Variants in CSMD3 observed in about 807,000 individuals in gnomAD.
CSMD3 encodes CUB and sushi domain-containing protein 3.
A neutral mutation model predicts 435.2 loss-of-function variants in CSMD3; 177 were observed. The ratio of observed to expected loss-of-function variants is 0.41; its 90% CI spans 0.36 to 0.46. CSMD3 has a LOEUF of 0.46. CSMD3 is among the 20% of genes least tolerant of loss of function. The probability of loss-of-function intolerance (pLI) is 0.34; values close to 1 mark genes in which losing one functional copy is unlikely to be tolerated. For missense variants in CSMD3, 4,265 were observed against 4,504.6 expected (o/e 0.95, Z 1.52); for synonymous variants, 1,656 against 1,520.5 (o/e 1.09, Z -2.07).
At chr8:112,752,827 A>C (rs1003277116) in intron 13 of CSMD3, among the ~76,000 whole-genome samples, 2 of 152,154 alleles carry the variant, frequency 1.3e-5, no homozygotes, top group Non-Finnish European at 2.9e-5. Flanking sequence ...AAATGAAAAT[A>C]GTTTATAAAT....
intron 40 of CSMD3, among the ~76,000 whole-genome samples, chr8:112,347,511 T>A (rs564384488): frequency 6.6e-6 from 1 of 152,300 alleles, no homozygotes; most frequent in Admixed American, 6.5e-5. Flanking sequence ...ATTCAATAAG[T>A]TTGACAACTA....
chr8:112,910,472 T>A lies in CSMD3; in HGVS notation c.1633+11155A>T, dbSNP rs369484287. 3.3e-5 allele frequency among the ~76,000 whole-genome samples: 5 copies of A among 151,940 alleles called. No individual in the cohort carries two copies. In the East Asian group the frequency reaches 9.7e-4, roughly 30 times the overall value. On this transcript the variant is annotated intron_variant, in intron 10 of 70. Transcript: ENST00000297405. ...TCCATTTCCCCCTACAAAAACATTATACCTTCATCGGCTCCTTCCTCAGGG... is the reference window on the plus strand; with the variant it reads ...TCCATTTCCCCCTACAAAAACATTAAACCTTCATCGGCTCCTTCCTCAGGG...
intron 27 of CSMD3, among the ~76,000 whole-genome samples, chr8:112,525,086 C>T (rs1824730311): frequency 6.6e-6 from 1 of 151,722 alleles, no homozygotes; most frequent in African/African-American, 2.4e-5. Flanking sequence ...TAAGTGTTAG[C>T]TACCTGGTAA....
chr8:112,614,537 G>A (rs1356389895), intron 22 of CSMD3, among the ~76,000 whole-genome samples: 4 of 151,808 alleles, frequency 2.6e-5, no homozygotes, highest in Admixed American at 1.3e-4. Context: ...TCCCAGGGCC[G>A]TTTCCCCAAA....
At chr8:113,251,239 A>C (rs2093332270) in intron 3 of CSMD3, among the ~76,000 whole-genome samples, 1 of 152,076 alleles carries the variant, frequency 6.6e-6, no homozygotes, top group Admixed American at 6.6e-5. Flanking sequence ...TGTCTCATTC[A>C]TGATAATGGA....
chr8:112,637,912 G>C (rs2074706633), intron 21 of CSMD3, among the ~76,000 whole-genome samples: 1 of 151,858 alleles, frequency 6.6e-6, no homozygotes, highest in Non-Finnish European at 1.5e-5. Flanking sequence ...CAAGGTTAGT[G>C]CTTGTATCAT....
In CSMD3 at chr8:112,635,624, A is replaced by G. The variant is rs556495245; in HGVS notation, c.3715+1193T>C. ...TGGTTGCTTGTGCCATTTCTATAAA[A>G]ATCTGTGATTTTTAAAGAGAAATTT... On this transcript the variant is annotated intron_variant, in intron 22 of 70. Transcript: ENST00000297405. Among the ~76,000 whole-genome samples the G allele has an allele frequency of 3.9e-5, 6 of 152,176 alleles. No individual in the cohort carries two copies. In the East Asian group the frequency reaches 1.2e-3, roughly 29 times the overall value.
chr8:112,890,197 T>G (rs2081742091), intron 10 of CSMD3, among the ~76,000 whole-genome samples: 1 of 151,628 alleles, frequency 6.6e-6, no homozygotes, highest in Non-Finnish European at 1.5e-5. Flanking sequence ...CCCATCAAAA[T>G]GCATCAAGTG....
At chr8:112,225,954 C>T (rs1049077077) in intron 70 of CSMD3, among the ~76,000 whole-genome samples, 3 of 152,120 alleles carry the variant, frequency 2.0e-5, no homozygotes, top group African/African-American at 7.2e-5. Flanking sequence ...GGAAAAAAGG[C>T]AGACTTGCTG....
intron 9 of CSMD3, among the ~76,000 whole-genome samples, chr8:112,938,319 A>T (rs2083347290): frequency 6.6e-6 from 1 of 152,148 alleles, no homozygotes; most frequent in African/African-American, 2.4e-5. Context: ...TATTCTTCCA[A>T]CATACCAAAG....
In CSMD3 at chr8:113,416,491, C is replaced by T. The variant is rs192387869; in HGVS notation, c.178+20186G>A. On this transcript the variant is annotated intron_variant, in intron 1 of 70. Transcript: ENST00000297405. ...GTCAGATTCATCCATGATGTGGAAACTATTACAATTCCATTTATATAAAGG... is the reference window on the plus strand; with the variant it reads ...GTCAGATTCATCCATGATGTGGAAATTATTACAATTCCATTTATATAAAGG... 2.6e-3 allele frequency among the ~76,000 whole-genome samples: 391 copies of T among 152,228 alleles called. 2 individuals are homozygous for T. The highest frequency in any genetic ancestry group is 7.8e-3 in the African/African-American group (326 of 41,568).
At chr8:112,500,077 C>A (rs928882402) in intron 30 of CSMD3, among the ~76,000 whole-genome samples, 1 of 151,962 alleles carries the variant, frequency 6.6e-6, no homozygotes, top group Non-Finnish European at 1.5e-5. Context: ...CCACTGCACC[C>A]CAGTCTGGGC....
chr8:113,399,160 A>G (rs2094498252), intron 1 of CSMD3, among the ~76,000 whole-genome samples: 1 of 147,700 alleles, frequency 6.8e-6, no homozygotes, highest in African/African-American at 2.5e-5. Context: ...TAATTTTCAT[A>G]TATATATATA....
chr8:112,664,223 TG>T (rs952409844), intron 17 of CSMD3, among the ~76,000 whole-genome samples: 1 of 152,172 alleles, frequency 6.6e-6, no homozygotes, highest in Non-Finnish European at 1.5e-5. Context: ...CAAATATGCT[TG>T]TTTTTCAAAT....
At chr8:113,297,745 T>C (rs2093733375) in intron 2 of CSMD3, among the ~76,000 whole-genome samples, 1 of 152,088 alleles carries the variant, frequency 6.6e-6, no homozygotes, top group Non-Finnish European at 1.5e-5. Context: ...TAATTAGTTA[T>C]ATATTTACTT....
intron 24 of CSMD3, among the ~76,000 whole-genome samples, chr8:112,562,630 A>G (rs562953379): frequency 6.6e-6 from 1 of 151,650 alleles, no homozygotes; most frequent in South Asian, 2.1e-4. Flanking sequence ...TGAATATTAT[A>G]TTATTATGCA....
At chr8:113,352,339 T>A (rs1192926276) in intron 1 of CSMD3, among the ~76,000 whole-genome samples, 1 of 151,970 alleles carries the variant, frequency 6.6e-6, no homozygotes, top group African/African-American at 2.4e-5. Flanking sequence ...ACTGGTATTA[T>A]TCTGTCACAA....
intron 10 of CSMD3, among the ~76,000 whole-genome samples, chr8:112,897,688 CTCTCTCTGTGTGTG>C (rs1291630068): frequency 3.7e-4 from 33 of 89,880 alleles, no homozygotes; most frequent in African/African-American, 1.3e-3. Context: ...CTCTCTCTCT[CTCTCTCTGTGTGTG>C]TGTGTGTGTG....
chr8:112,308,898 TA>T (rs1386655760), intron 50 of CSMD3, among the ~76,000 whole-genome samples: 4 of 151,910 alleles, frequency 2.6e-5, no homozygotes, highest in African/African-American at 9.7e-5. Flanking sequence ...CAAGTTGAAA[TA>T]AAAGGTGCAT....
Sources: allele counts gnomAD v4.1 joint callset (sites outside exome capture counted in the v4.1 genomes callset), GRCh38; gene constraint gnomAD v4.1.1; transcripts MANE v1.5; gene names NCBI Gene and HGNC (gene_info 2026-07-23, HGNC 2026-07-21).